HTR4: variants seen among roughly 807,000 people sequenced by gnomAD.
HTR4 encodes the protein 5-hydroxytryptamine receptor 4.
Under a neutral mutation model 36.8 loss-of-function variants are expected in HTR4, and 16 were observed. The ratio of observed to expected loss-of-function variants is 0.43; its 90% confidence interval spans 0.29 to 0.66. The LOEUF (loss-of-function observed/expected upper bound fraction) is 0.66, where lower values mean the gene tolerates loss of function less well. HTR4 is among the 30% of genes least tolerant of loss of function. The pLI is 0.13. For synonymous variants in HTR4, 189 were observed against 185.1 expected, an observed-to-expected ratio of 1.02 and a Z score of -0.17; for missense variants, 438 against 490.9, an observed-to-expected ratio of 0.89 and a Z score of 1.02.
Position 148,573,561 on chromosome 5 carries a change from T to C in HTR4, c.27-23299A>G, listed in dbSNP as rs116955613. On this transcript the variant is annotated intron_variant, in intron 2 of 6. Transcript: ENST00000377888. ...CAGCCTGGAAGTGACTTATATTATA[T>C]CTACTCAAAAACTCATTGGCCAGAA... Among the ~76,000 whole-genome samples the C allele has an allele frequency of 1.6e-4, 24 of 152,088 alleles. 1 individual carries two copies. The East Asian group carries it at 4.7e-3, about 29-fold the overall frequency.
chr5:148,651,049 T>C (rs1754017877), intron 1 of HTR4, among the ~76,000 whole-genome samples: 1 of 152,188 alleles, frequency 6.6e-6, no homozygotes, highest in East Asian at 1.9e-4. Flanking sequence ...GGCACATTAC[T>C]TTACCTCTCT....
intron 2 of HTR4, among the ~76,000 whole-genome samples, chr5:148,590,281 T>C (rs1761508361): frequency 7.0e-6 from 1 of 142,298 alleles, no homozygotes; most frequent in Non-Finnish European, 1.5e-5. Flanking sequence ...TTTTCTTTTT[T>C]CTTTTCTTTT....
intron 2 of HTR4, among the ~76,000 whole-genome samples, chr5:148,627,432 A>G (rs935289488): frequency 6.6e-6 from 1 of 152,224 alleles, no homozygotes; most frequent in Non-Finnish European, 1.5e-5. Context: ...GAACTGCAGT[A>G]ATTACATACA....
intron 5 of HTR4, among the ~76,000 whole-genome samples, chr5:148,467,414 A>G (rs1755455856): frequency 6.6e-6 from 1 of 152,132 alleles, no homozygotes; most frequent in South Asian, 2.1e-4. Flanking sequence ...TAAATGACTG[A>G]ACTTTTGAGT....
At chr5:148,553,638 T>C (rs914717224) in intron 2 of HTR4, among the ~76,000 whole-genome samples, 16 of 152,188 alleles carry the variant, frequency 1.1e-4, no homozygotes, top group Non-Finnish European at 2.4e-4. Flanking sequence ...GCACAGAAAG[T>C]GTTTAAGAAT....
At chr5:148,555,060 T>C (rs1325841769) in intron 2 of HTR4, among the ~76,000 whole-genome samples, 1 of 151,562 alleles carries the variant, frequency 6.6e-6, no homozygotes, top group Non-Finnish European at 1.5e-5. Flanking sequence ...ATTTTATTAT[T>C]TATATTTTAG....
chr5:148,597,013 C>T (rs983034540), intron 2 of HTR4, among the ~76,000 whole-genome samples: 1 of 152,182 alleles, frequency 6.6e-6, no homozygotes, highest in African/African-American at 2.4e-5. Context: ...AGCCTCCACT[C>T]ACCTGAGTAG....
intron 2 of HTR4, among the ~76,000 whole-genome samples, chr5:148,558,507 A>G (rs1301664979): frequency 2.0e-5 from 3 of 152,210 alleles, no homozygotes; most frequent in African/African-American, 7.2e-5. Context: ...TAGGACTGCC[A>G]TTCTCAAGAA....
chr5:148,513,586 T>C (rs957580937), intron 5 of HTR4, among the ~76,000 whole-genome samples: 5 of 152,192 alleles, frequency 3.3e-5, no homozygotes, highest in Non-Finnish European at 2.9e-5. Context: ...GTGGTTTCTT[T>C]TCTTGAAGAC....
chr5:148,528,148 T>A (rs548309964), intron 4 of HTR4, among the ~76,000 whole-genome samples: 112 of 152,304 alleles, frequency 7.4e-4, no homozygotes, highest in African/African-American at 2.6e-3. Flanking sequence ...AAGGATTTTA[T>A]TTTACTTAAA....
downstream of HTR4, among the ~76,000 whole-genome samples, chr5:148,472,453 C>A (rs1479480233): frequency 1.3e-5 from 2 of 152,148 alleles, no homozygotes; most frequent in South Asian, 2.1e-4. Flanking sequence ...TAGAGAATGA[C>A]TTTTACCTTG....
At chr5:148,601,399 G>A (rs76743111) in intron 2 of HTR4, among the ~76,000 whole-genome samples, 18,824 of 152,108 alleles carry the variant, frequency 0.12, 1,274 homozygotes, top group African/African-American at 0.16. Flanking sequence ...CATGTTCACC[G>A]CAGCATTTTT....
chr5:148,514,504 C>T (rs994055917), intron 5 of HTR4, among the ~76,000 whole-genome samples: 2 of 152,076 alleles, frequency 1.3e-5, no homozygotes, highest in Admixed American at 1.3e-4. Flanking sequence ...CAACTATAAA[C>T]ACTGCCTGCT....
intron 2 of HTR4, among the ~76,000 whole-genome samples, chr5:148,610,529 A>T (rs931357356): frequency 6.6e-6 from 1 of 152,098 alleles, no homozygotes; most frequent in South Asian, 2.1e-4. Flanking sequence ...CCATCTGTAC[A>T]TCACCATCAT....
chr5:148,603,734 T>C (rs1005861121), intron 2 of HTR4, among the ~76,000 whole-genome samples: 8 of 151,766 alleles, frequency 5.3e-5, no homozygotes, highest in Non-Finnish European at 1.0e-4. Flanking sequence ...CATCAACAAA[T>C]AATTAGTAAG....
At chr5:148,457,217 C>A in intron 5 of HTR4, among the ~76,000 whole-genome samples, 1 of 152,288 alleles carries the variant, frequency 6.6e-6, no homozygotes, top group East Asian at 1.9e-4. Flanking sequence ...CTTCTCACAG[C>A]TGCTTTGGTG....
chr5:148,568,082 C>T (rs1305211676), intron 2 of HTR4, among the ~76,000 whole-genome samples: 2 of 152,144 alleles, frequency 1.3e-5, no homozygotes, highest in Non-Finnish European at 2.9e-5. Flanking sequence ...GTCCTGCCTT[C>T]AGATACTTCA....
intron 2 of HTR4, among the ~76,000 whole-genome samples, chr5:148,596,587 C>T (rs933814657): frequency 6.6e-6 from 1 of 151,998 alleles, no homozygotes; most frequent in African/African-American, 2.4e-5. Flanking sequence ...AGCATCCTGA[C>T]CTCTAACCAT....
Position 148,481,561 on chromosome 5 carries a change from ATTTG to A in HTR4, c.*1638_*1641del. ...TTTTTTTTTTCTTTTTCTTTTTGGC[ATTTG>A]GATGGTTTGGTCAATCTTCTCTTCC... On this transcript the variant is annotated 3_prime_UTR_variant, in exon 7 of 7. Coordinates refer to ENST00000377888, the MANE Select transcript of HTR4 (RefSeq NM_000870.7). 6.6e-7 allele frequency: 1 copy of A among 1,523,360 alleles called. No individual in the cohort carries two copies. Among genetic ancestry groups the A allele is most frequent in the Non-Finnish European group, 8.7e-7 (1 of 1,142,910 alleles). The allele number at this position is 1,523,360 out of a possible 1,614,324, so 94.4% of individuals were successfully genotyped here.
Sources: gnomAD v4.1 joint callset for allele counts (sites outside exome capture counted in the v4.1 genomes callset) on GRCh38, gnomAD v4.1.1 for gene constraint, MANE v1.5 for transcripts, NCBI Gene and HGNC (gene_info 2026-07-23, HGNC 2026-07-21) for gene names.